Variants in RAB28 observed in about 807,000 individuals in gnomAD.
RAB28 encodes ras-related protein Rab-28.
A neutral mutation model predicts 31.7 loss-of-function variants in RAB28; 24 were observed. The observed-to-expected ratio is 0.76, with a 90% confidence interval of 0.55 to 1.06. RAB28 has a LOEUF of 1.06. RAB28 is among the 50% of genes least tolerant of loss of function. The pLI is 0.00. For synonymous variants in RAB28, 100 were observed against 90.4 expected (o/e 1.11, Z -0.60); for missense variants, 254 against 258.5 (o/e 0.98, Z 0.12).
At chr4:13,462,711 T>C (rs1479798879) in intron 3 of RAB28, among the ~76,000 whole-genome samples, 2 of 152,212 alleles carry the variant, frequency 1.3e-5, no homozygotes, top group African/African-American at 2.4e-5. Flanking sequence ...GCTTTAAATA[T>C]TCTATAATAT....
intron 4 of RAB28, among the ~76,000 whole-genome samples, chr4:13,415,494 C>T (rs112275246): frequency 6.6e-6 from 1 of 152,248 alleles, no homozygotes. Context: ...TCAGAGCGCC[C>T]GGCCAGCCCT....
In RAB28 at chr4:13,369,934, G is replaced by A. The variant is rs372883609; in HGVS notation, c.574-1284C>T. The A allele has an allele frequency of 1.4e-5, 22 of 1,611,746 alleles. No individual in the cohort carries two copies. Among genetic ancestry groups the A allele is most frequent in the South Asian group, 8.8e-5 (8 of 90,956 alleles). ...GGTGGTATGTTGATTTTCTTCTTCCGGGTACTTCACTATTTCTGCCCTGAC... is the reference window on the plus strand; with the variant it reads ...GGTGGTATGTTGATTTTCTTCTTCCAGGTACTTCACTATTTCTGCCCTGAC... On this transcript the variant is annotated intron_variant, in intron 6 of 6. Transcript: ENST00000330852.
At chr4:13,452,226 TTTTG>T (rs1295579962) in intron 4 of RAB28, among the ~76,000 whole-genome samples, 4 of 151,932 alleles carry the variant, frequency 2.6e-5, no homozygotes, top group Admixed American at 2.6e-4. Flanking sequence ...AAAAACAACT[TTTTG>T]TTTTGTTGAA....
intron 6 of RAB28, chr4:13,371,389 G>A (rs1728706244): frequency 1.0e-6 from 1 of 985,050 alleles, no homozygotes; most frequent in Non-Finnish European, 1.2e-6. Context: ...TGAAGAGATG[G>A]GATTTTCATA....
At chr4:13,409,169 G>A (rs368518543) in intron 4 of RAB28, among the ~76,000 whole-genome samples, 3 of 151,910 alleles carry the variant, frequency 2.0e-5, no homozygotes, top group African/African-American at 7.3e-5. Flanking sequence ...TGCCTATTTC[G>A]AACAAATCCA....
chr4:13,390,770 T>C (rs543352715), intron 4 of RAB28, among the ~76,000 whole-genome samples: 1 of 152,240 alleles, frequency 6.6e-6, no homozygotes, highest in Non-Finnish European at 1.5e-5. Flanking sequence ...AACCATCTGA[T>C]CTTTGACAAA....
intron 1 of RAB28, among the ~76,000 whole-genome samples, chr4:13,482,392 T>TAGGA (rs138446278): frequency 0.073 from 11,056 of 152,168 alleles, 957 homozygotes; most frequent in African/African-American, 0.21. Context: ...TGATAGCATA[T>TAGGA]AGGATAACCA....
intron 2 of RAB28, among the ~76,000 whole-genome samples, chr4:13,475,795 A>C (rs1415034862): frequency 6.6e-6 from 1 of 151,574 alleles, no homozygotes; most frequent in Non-Finnish European, 1.5e-5. Flanking sequence ...TTTGTCCAAA[A>C]ACTTGTACAA....
chr4:13,461,401 A>G (rs1306674180), intron 3 of RAB28, among the ~76,000 whole-genome samples: 1 of 152,134 alleles, frequency 6.6e-6, no homozygotes, highest in Non-Finnish European at 1.5e-5. Context: ...CATATACTTG[A>G]GCAGAGTTAA....
intron 4 of RAB28, among the ~76,000 whole-genome samples, chr4:13,416,463 A>G (rs1389674769): frequency 6.6e-6 from 1 of 152,248 alleles, no homozygotes; most frequent in Non-Finnish European, 1.5e-5. Context: ...AGTGAGACCA[A>G]GAACCCACCA....
chr4:13,400,973 G>C (rs757763715), intron 4 of RAB28, among the ~76,000 whole-genome samples: 1 of 152,044 alleles, frequency 6.6e-6, no homozygotes, highest in Non-Finnish European at 1.5e-5. Flanking sequence ...TTAATATTTT[G>C]TCAAAGGAAT....
chr4:13,428,872 GA>G (rs900717491), intron 4 of RAB28, among the ~76,000 whole-genome samples: 392 of 146,226 alleles, frequency 2.7e-3, no homozygotes, highest in South Asian at 5.4e-3. Flanking sequence ...AAATAAAGGG[GA>G]AAAAAAATAA....
intron 4 of RAB28, among the ~76,000 whole-genome samples, chr4:13,443,050 G>T (rs1714506917): frequency 6.6e-6 from 1 of 152,046 alleles, no homozygotes; most frequent in African/African-American, 2.4e-5. Flanking sequence ...TTGAAATTTT[G>T]AATGAAAATT....
chr4:13,438,855 C>G (rs775670551), intron 4 of RAB28, among the ~76,000 whole-genome samples: 2 of 152,164 alleles, frequency 1.3e-5, no homozygotes, highest in African/African-American at 4.8e-5. Flanking sequence ...TCTTGAGGAG[C>G]TGCCAAGTTG....
chr4:13,475,413 A>T (rs917593274), intron 2 of RAB28, among the ~76,000 whole-genome samples: 24 of 151,628 alleles, frequency 1.6e-4, no homozygotes, highest in African/African-American at 5.1e-4. Flanking sequence ...AAAGATTAGA[A>T]ACTGAAAAAT....
intron 4 of RAB28, among the ~76,000 whole-genome samples, chr4:13,384,958 T>C (rs1729300688): frequency 6.6e-6 from 1 of 151,900 alleles, no homozygotes. Flanking sequence ...CCAAGGAAGA[T>C]CCAAATGATA....
intron 4 of RAB28, among the ~76,000 whole-genome samples, chr4:13,432,929 T>C (rs1713889541): frequency 6.6e-6 from 1 of 151,278 alleles, no homozygotes; most frequent in South Asian, 2.1e-4. Flanking sequence ...AATATTAACC[T>C]TGAACGTAAA....
chr4:13,406,734 G>A (rs1367302838), intron 4 of RAB28, among the ~76,000 whole-genome samples: 1 of 152,190 alleles, frequency 6.6e-6, no homozygotes, highest in African/African-American at 2.4e-5. Flanking sequence ...GTTTTGATAT[G>A]CATTTCTCTA....
intron 4 of RAB28, among the ~76,000 whole-genome samples, chr4:13,393,470 A>AAT (rs572926329): frequency 1.3e-5 from 2 of 152,122 alleles, no homozygotes; most frequent in Non-Finnish European, 1.5e-5. Context: ...ACCCAAGAAA[A>AAT]ATATATATAT....
Sources: allele counts gnomAD v4.1 joint callset (sites outside exome capture counted in the v4.1 genomes callset), GRCh38; gene constraint gnomAD v4.1.1; transcripts MANE v1.5; gene names NCBI Gene and HGNC (gene_info 2026-07-23, HGNC 2026-07-21).